The following DLG2 variants were observed in gnomAD, a reference collection of about 807,000 sequenced individuals.
DLG2 encodes discs large MAGUK scaffold protein 2.
DLG2 carries 45 observed loss-of-function variants against 132.5 expected under a neutral mutation model. The observed-to-expected ratio is 0.34, with a 90% CI of 0.27 to 0.44. The LOEUF is 0.44. Among genes scored for constraint, DLG2 ranks in the 20% least tolerant of loss-of-function variants. The pLI is 1.00. For synonymous variants in DLG2, 424 were observed against 419.6 expected (o/e 1.01, Z -0.13); for missense variants, 1,045 against 1,196.9 (o/e 0.87, Z 1.87).
intron 4 of DLG2, among the ~76,000 whole-genome samples, chr11:85,259,749 C>A (rs527526959): frequency 6.6e-6 from 1 of 152,012 alleles, no homozygotes; most frequent in African/African-American, 2.4e-5. Context: ...AATCCCCTGG[C>A]CAGAAATTGC....
At chr11:85,485,918 C>T (rs1597814144) in intron 3 of DLG2, among the ~76,000 whole-genome samples, 2 of 152,182 alleles carry the variant, frequency 1.3e-5, no homozygotes, top group South Asian at 4.1e-4. Flanking sequence ...GCAGCTGCCA[C>T]CACTAGGCTG....
At chr11:83,637,592 G>C (rs922860789) in intron 18 of DLG2, among the ~76,000 whole-genome samples, 1 of 74,714 alleles carries the variant, frequency 1.3e-5, no homozygotes. Flanking sequence ...CTGGATCGCC[G>C]TGAAGCCATT....
intron 3 of DLG2, among the ~76,000 whole-genome samples, chr11:85,524,034 A>T (rs1018664337): frequency 5.3e-5 from 8 of 152,196 alleles, no homozygotes; most frequent in Admixed American, 3.3e-4. Flanking sequence ...AAAAATTAAA[A>T]CAACTGGACT....
intron 21 of DLG2, among the ~76,000 whole-genome samples, chr11:83,507,594 C>T: frequency 7.0e-6 from 1 of 142,636 alleles, no homozygotes; most frequent in East Asian, 2.0e-4. Flanking sequence ...ATATAGATAT[C>T]TATAGGATAT....
At chr11:85,605,116 TAC>T (rs1445248360) in intron 2 of DLG2, among the ~76,000 whole-genome samples, 2 of 152,222 alleles carry the variant, frequency 1.3e-5, no homozygotes, top group Non-Finnish European at 2.9e-5. Flanking sequence ...TCAACATTTT[TAC>T]AGTTTAAAAA....
chr11:84,618,255 T>C (rs576481382), intron 6 of DLG2, among the ~76,000 whole-genome samples: 2 of 152,128 alleles, frequency 1.3e-5, no homozygotes, highest in East Asian at 3.9e-4. Flanking sequence ...AAAGGGATTG[T>C]ACTTAATCCT....
At chr11:84,037,149 G>T (rs748753104) in intron 11 of DLG2, among the ~76,000 whole-genome samples, 1 of 152,126 alleles carries the variant, frequency 6.6e-6, no homozygotes, top group Non-Finnish European at 1.5e-5. Flanking sequence ...TCTTTTATTA[G>T]TGAATGCAAA....
In DLG2 at chr11:85,205,642, G is replaced by A. The variant is rs181092038; in HGVS notation, c.187-50991C>T. Among the ~76,000 whole-genome samples the A allele has an allele frequency of 9.0e-4, 137 of 152,166 alleles. 1 individual carries two copies. In the Middle Eastern group the frequency reaches 0.01, roughly 11 times the overall value. ...CATTGTATACATGTATCAAAATAGC[G>A]CATGTATCCCCAAAATATGTACAAC... On this transcript the variant is annotated intron_variant, in intron 4 of 27. Transcript: ENST00000376104.
intron 15 of DLG2, among the ~76,000 whole-genome samples, chr11:83,914,562 A>G (rs2076605017): frequency 1.3e-5 from 2 of 152,152 alleles, no homozygotes; most frequent in African/African-American, 4.8e-5. Flanking sequence ...AATGCTTTTC[A>G]TGTATAAACT....
At chr11:83,599,265 C>T (rs2058127798) in intron 19 of DLG2, among the ~76,000 whole-genome samples, 2 of 152,150 alleles carry the variant, frequency 1.3e-5, no homozygotes, top group African/African-American at 4.8e-5. Context: ...ACCTCTCGGA[C>T]TTCCCCTTCC....
intron 8 of DLG2, among the ~76,000 whole-genome samples, chr11:84,248,487 A>G (rs1364122382): frequency 6.6e-6 from 1 of 152,138 alleles, no homozygotes; most frequent in African/African-American, 2.4e-5. Flanking sequence ...CATTTTCATC[A>G]TATCAAGCTC....
intron 16 of DLG2, among the ~76,000 whole-genome samples, chr11:83,853,051 A>C (rs1416920545): frequency 1.3e-5 from 2 of 152,224 alleles, no homozygotes; most frequent in Non-Finnish European, 2.9e-5. Context: ...TGATTTTTAG[A>C]AGAATCATCA....
intron 6 of DLG2, among the ~76,000 whole-genome samples, chr11:84,777,300 T>G (rs2070789711): frequency 7.7e-6 from 1 of 130,396 alleles, no homozygotes. Flanking sequence ...TATATATATA[T>G]ATATATATAT....
chr11:83,653,122 A>G (rs1317035017), intron 18 of DLG2, among the ~76,000 whole-genome samples: 1 of 152,242 alleles, frequency 6.6e-6, no homozygotes, highest in Non-Finnish European at 1.5e-5. Flanking sequence ...GACTGTAAAT[A>G]TGAGAAATTA....
intron 6 of DLG2, among the ~76,000 whole-genome samples, chr11:84,912,414 C>T (rs1486732576): frequency 6.6e-6 from 1 of 152,202 alleles, no homozygotes; most frequent in Non-Finnish European, 1.5e-5. Context: ...CCTGGGCCTC[C>T]CAAAGTGCTG....
In DLG2 at chr11:85,548,410, A is replaced by G. The variant is rs564595807; in HGVS notation, c.40+50247T>C. 3.1e-4 allele frequency among the ~76,000 whole-genome samples: 47 copies of G among 152,278 alleles called. 1 individual carries two copies. Among genetic ancestry groups the G allele is most frequent in the South Asian group, 2.1e-4 (1 of 4,824 alleles). Reference sequence around the variant, plus strand: ...CAGATGCCAGCCTGAGCTCTGCTCTATGAGGTATCTGTCATCCCCTACTGG... The same window carrying G: ...CAGATGCCAGCCTGAGCTCTGCTCTGTGAGGTATCTGTCATCCCCTACTGG... On this transcript the variant is annotated intron_variant, in intron 3 of 27. Transcript: ENST00000376104.
intron 3 of DLG2, among the ~76,000 whole-genome samples, chr11:85,515,035 G>A (rs558680322): frequency 2.5e-4 from 38 of 151,978 alleles, no homozygotes; most frequent in African/African-American, 8.2e-4. Context: ...GAGTGATAAG[G>A]TGGACTGTCA....
intron 3 of DLG2, among the ~76,000 whole-genome samples, chr11:85,333,916 G>C (rs1367156448): frequency 6.6e-5 from 10 of 151,652 alleles, no homozygotes. Flanking sequence ...GTCTCTGACA[G>C]GTTTTGGTAT....
Position 85,258,546 on chromosome 11 carries a change from T to G in DLG2, c.186+26674A>C, listed in dbSNP as rs561738790. ...TTAGCATAATGCATTTCAATACACC[T>G]TTACTGAATTGACTTTTATGCTAAG... On this transcript the variant is annotated intron_variant, in intron 4 of 27. Coordinates refer to ENST00000376104, the MANE Select transcript of DLG2 (RefSeq NM_001142699.3). Among the ~76,000 whole-genome samples the G allele has an allele frequency of 2.0e-5, 3 of 152,320 alleles. No homozygotes were observed. The East Asian group carries it at 5.8e-4, about 29-fold the overall frequency.
Sources: allele counts gnomAD v4.1 joint callset (sites outside exome capture counted in the v4.1 genomes callset), GRCh38; gene constraint gnomAD v4.1.1; transcripts MANE v1.5; gene names NCBI Gene and HGNC (gene_info 2026-07-23, HGNC 2026-07-21).